The following FOXN3 variants were observed in gnomAD, a reference collection of about 807,000 sequenced individuals.
FOXN3 encodes forkhead box N3, also known as forkhead box protein N3.
In FOXN3, 7 loss-of-function variants were observed where a neutral mutation model predicts 38.4. The observed-to-expected ratio is 0.18, with a 90% CI of 0.10 to 0.34. The LOEUF is 0.34. FOXN3 is among the 10% of genes least tolerant of loss of function. The pLI, the probability that FOXN3 is intolerant of heterozygous loss-of-function variation, is 1.00. For missense variants in FOXN3, 456 were observed against 613.4 expected (o/e 0.74, Z 2.71); for synonymous variants, 230 against 242.2 (o/e 0.95, Z 0.47).
At chr14:89,213,988 G>C (rs903103166) in intron 4 of FOXN3, among the ~76,000 whole-genome samples, 2 of 152,168 alleles carry the variant, frequency 1.3e-5, no homozygotes, top group African/African-American at 2.4e-5. Context: ...GATCTTTAAA[G>C]AGTTTAAAAA....
At chr14:89,172,695 A>G (rs140191413) in intron 5 of FOXN3, among the ~76,000 whole-genome samples, 2 of 152,226 alleles carry the variant, frequency 1.3e-5, no homozygotes, top group East Asian at 3.9e-4. Context: ...CCCAAAATAA[A>G]CCCACAAATA....
At chr14:89,467,404 T>C (rs931647856) in intron 1 of FOXN3, among the ~76,000 whole-genome samples, 25 of 152,226 alleles carry the variant, frequency 1.6e-4, no homozygotes, top group African/African-American at 6.0e-4. Context: ...GAGAGAGTTA[T>C]GTCCAGCTGT....
At chr14:89,524,447 C>T (rs538915342) in intron 1 of FOXN3, among the ~76,000 whole-genome samples, 3 of 124,248 alleles carry the variant, frequency 2.4e-5, no homozygotes, top group South Asian at 2.6e-4. Flanking sequence ...AAATCCAAAG[C>T]AGGCAAAAGA....
chr14:89,272,268 G>A (rs1426633160), intron 4 of FOXN3, among the ~76,000 whole-genome samples: 3 of 151,800 alleles, frequency 2.0e-5, no homozygotes, highest in East Asian at 1.9e-4. Context: ...AGCTGAGATC[G>A]CACCACTGCA....
At chr14:89,492,724 T>C (rs1893607895) in intron 1 of FOXN3, among the ~76,000 whole-genome samples, 1 of 151,988 alleles carries the variant, frequency 6.6e-6, no homozygotes, top group Non-Finnish European at 1.5e-5. Flanking sequence ...CAAAATAAAA[T>C]AAAACCAAAA....
chr14:89,421,147 T>TC (rs1171900891), upstream of FOXN3, among the ~76,000 whole-genome samples: 1 of 29,520 alleles, frequency 3.4e-5, no homozygotes, highest in Non-Finnish European at 9.1e-5. Flanking sequence ...CTTTCTTTCT[T>TC]TTTTTTTTTT....
intron 1 of FOXN3, among the ~76,000 whole-genome samples, chr14:89,498,000 TG>T: frequency 6.6e-6 from 1 of 152,130 alleles, no homozygotes; most frequent in East Asian, 1.9e-4. Flanking sequence ...TTCTCCCCAA[TG>T]ATTAGTGACA....
chr14:89,348,581 T>A (rs1888842718), intron 3 of FOXN3, among the ~76,000 whole-genome samples: 1 of 152,106 alleles, frequency 6.6e-6, no homozygotes, highest in Admixed American at 6.5e-5. Flanking sequence ...TAGAATCTCA[T>A]CTGTCATCTC....
chr14:89,409,082 A>G (rs976075701), intron 2 of FOXN3, among the ~76,000 whole-genome samples: 2 of 152,198 alleles, frequency 1.3e-5, no homozygotes, highest in Non-Finnish European at 2.9e-5. Flanking sequence ...AAGAAAGAGG[A>G]GAAAAGTGGA....
chr14:89,254,632 T>C (rs1170429968), intron 4 of FOXN3, among the ~76,000 whole-genome samples: 1 of 152,154 alleles, frequency 6.6e-6, no homozygotes, highest in East Asian at 1.9e-4. Context: ...TCAAAATCAC[T>C]CTGTCCAACA....
chr14:89,418,417 C>T (rs1324124699), upstream of FOXN3, among the ~76,000 whole-genome samples: 1 of 120,276 alleles, frequency 8.3e-6, no homozygotes. Flanking sequence ...AATAGACCCC[C>T]CCCCCCCAAT....
chr14:89,242,313 C>CATATATAT (rs35761572), intron 4 of FOXN3, among the ~76,000 whole-genome samples: 41 of 150,138 alleles, frequency 2.7e-4, no homozygotes, highest in African/African-American at 6.8e-4. Context: ...TCCCTGCCCT[C>CATATATAT]ATATATATAT....
intron 4 of FOXN3, among the ~76,000 whole-genome samples, chr14:89,217,828 T>C (rs1263933686): frequency 1.3e-5 from 2 of 152,222 alleles, no homozygotes; most frequent in Non-Finnish European, 2.9e-5. Flanking sequence ...CTCCTGTTTG[T>C]GGGAGCCCTC....
In FOXN3 at chr14:89,513,954, G is replaced by A. The variant is rs138233375; in HGVS notation, c.-14-101464C>T. ...CGCACGCACACACGCACGCACACACGCCCTCTCCTACACCTAGAGAAAAGT... is the reference window on the plus strand; with the variant it reads ...CGCACGCACACACGCACGCACACACACCCTCTCCTACACCTAGAGAAAAGT... On this transcript the variant is annotated intron_variant, in intron 1 of 6. Transcript: ENST00000345097. Among the ~76,000 whole-genome samples, 233 of 150,298 alleles carry A rather than the reference G, an allele frequency of 1.6e-3. 1 individual carries two copies. The highest frequency in any genetic ancestry group is 5.5e-3 in the African/African-American group (223 of 40,808).
chr14:89,512,996 C>T (rs574928098), intron 1 of FOXN3, among the ~76,000 whole-genome samples: 3 of 151,694 alleles, frequency 2.0e-5, no homozygotes, highest in Non-Finnish European at 2.9e-5. Flanking sequence ...AAACATTAGC[C>T]GGACGCAGTG....
intron 1 of FOXN3, among the ~76,000 whole-genome samples, chr14:89,423,730 A>G (rs1891967004): frequency 6.6e-6 from 1 of 152,246 alleles, no homozygotes; most frequent in Non-Finnish European, 1.5e-5. Flanking sequence ...TCAGAATGGC[A>G]GAGACTTAAA....
chr14:89,572,603 T>C (rs1376716926), intron 1 of FOXN3, among the ~76,000 whole-genome samples: 1 of 152,252 alleles, frequency 6.6e-6, no homozygotes, highest in South Asian at 2.1e-4. Context: ...TCCCCTTTCC[T>C]ATCATTAGCA....
intron 1 of FOXN3, among the ~76,000 whole-genome samples, chr14:89,507,499 T>C (rs370142085): frequency 2.5e-4 from 38 of 152,354 alleles, no homozygotes; most frequent in African/African-American, 8.2e-4. Context: ...GGTCTTTCTA[T>C]TTGATTGCAA....
rs530200860 is a variant in FOXN3 at position 89,160,882 on chromosome 14, GAAA to G, written c.*1529_*1531del. The G allele has an allele frequency of 2.4e-5, 3 of 125,788 alleles. No homozygotes were observed. Among genetic ancestry groups the G allele is most frequent in the Admixed American group, 8.2e-5 (1 of 12,228 alleles). 7.8% of individuals were successfully genotyped at this position (125,788 alleles called of 1,614,324 possible). A position where few individuals can be genotyped will look rare whatever the true frequency, so the allele number is the denominator to read the frequency against. ...TCAAAAAACCAAAACAAAATAACCC[GAAA>G]AAAAAACAAAAACAAAAAACAAAAA... On this transcript the variant is annotated 3_prime_UTR_variant, in exon 6 of 6. Coordinates refer to ENST00000557258, the MANE Select transcript of FOXN3 (RefSeq NM_005197.4).
Sources: allele counts gnomAD v4.1 joint callset (sites outside exome capture counted in the v4.1 genomes callset), GRCh38; gene constraint gnomAD v4.1.1; transcripts MANE v1.5; gene names NCBI Gene and HGNC (gene_info 2026-07-23, HGNC 2026-07-21).